DHRSX: variants seen among roughly 807,000 people sequenced by gnomAD.
DHRSX encodes the protein polyprenol dehydrogenase.
Under a neutral mutation model 34.0 loss-of-function variants are expected in DHRSX, and 31 were observed. The observed-to-expected ratio is 0.91, with a 90% CI of 0.69 to 1.23. DHRSX has a LOEUF of 1.23. DHRSX is among the 50% of genes most tolerant of loss of function. The pLI is 0.00. For missense variants in DHRSX, 414 were observed against 428.1 expected (o/e 0.97, Z 0.29); for synonymous variants, 201 against 183.8 (o/e 1.09, Z -0.76).
At position 2,321,194 on chromosome X, in the gene DHRSX, C is replaced by A. The variant is rs184938792; in HGVS notation, c.287-29591G>T. Among the ~76,000 whole-genome samples the A allele has an allele frequency of 6.5e-3, 990 of 152,222 alleles. 11 individuals carry two copies. The highest frequency in any genetic ancestry group is 0.014 in the Middle Eastern group (4 of 294). ...AAATAAATGTTTGCACTGATTACAGCACTGCTGCCAAAGAGCTTGATGGGC... is the reference window on the plus strand; with the variant it reads ...AAATAAATGTTTGCACTGATTACAGAACTGCTGCCAAAGAGCTTGATGGGC... On this transcript the variant is annotated intron_variant, in intron 3 of 6. Transcript: ENST00000334651.
intron 1 of DHRSX, among the ~76,000 whole-genome samples, chrX:2,477,516 C>G (rs1305724844): frequency 1.3e-5 from 2 of 152,100 alleles, no homozygotes; most frequent in African/African-American, 2.4e-5. Flanking sequence ...CAGGTGGAAA[C>G]AGTTTATCTG....
intron 2 of DHRSX, among the ~76,000 whole-genome samples, chrX:2,411,347 A>G (rs1362498079): frequency 2.6e-5 from 4 of 151,998 alleles, no homozygotes; most frequent in South Asian, 2.1e-4. Flanking sequence ...TCAGGAGTTC[A>G]AGACCAGCCT....
At chrX:2,485,622 A>AGGAG (rs1328660408) in intron 1 of DHRSX, among the ~76,000 whole-genome samples, 1 of 95,466 alleles carries the variant, frequency 1.0e-5, no homozygotes, top group Non-Finnish European at 2.1e-5. Flanking sequence ...GAGGGAAGGA[A>AGGAG]GGAGGGAGGG....
rs182568086 is a variant in DHRSX, at chrX:2,462,034, C to T, written c.110-36730G>A. On this transcript the variant is annotated intron_variant, in intron 1 of 6. Coordinates refer to ENST00000334651, the MANE Select transcript of DHRSX (RefSeq NM_145177.3). ...CAATTCTGAGAAGACACAAATGCCA[C>T]TCTGCTCTTTTGTGATAATATTAAC... is the stretch of plus-strand genomic sequence containing the variant. 4.3e-4 allele frequency among the ~76,000 whole-genome samples: 65 copies of T among 152,238 alleles called. 1 individual carries two copies. Among genetic ancestry groups the T allele is most frequent in the East Asian group, 3.9e-3 (20 of 5,178 alleles).
chrX:2,334,574 C>G (rs776919279), intron 3 of DHRSX: 1 of 152,238 alleles, frequency 6.6e-6, no homozygotes, highest in African/African-American at 2.4e-5. Flanking sequence ...CCGCCTCAAC[C>G]TCCCCAGTAG....
At chrX:2,468,909 C>T (rs1352757459) in intron 1 of DHRSX, among the ~76,000 whole-genome samples, 1 of 148,218 alleles carries the variant, frequency 6.7e-6, no homozygotes, top group Non-Finnish European at 1.5e-5. Flanking sequence ...GCCAAGTGAC[C>T]GCTGCCGTTG....
chrX:2,250,899 C>T (rs1258400716), intron 5 of DHRSX, among the ~76,000 whole-genome samples: 1 of 151,896 alleles, frequency 6.6e-6, no homozygotes, highest in African/African-American at 2.4e-5. Context: ...ATCTTAGCAA[C>T]TGAGCAATTT....
At chrX:2,307,798 TA>T (rs1733436730) in intron 3 of DHRSX, among the ~76,000 whole-genome samples, 3 of 138,522 alleles carry the variant, frequency 2.2e-5, no homozygotes, top group African/African-American at 5.5e-5. Context: ...ATAAAAAAAA[TA>T]AAATAAAAAA....
At position 2,389,186 on chromosome X, in the gene DHRSX, G is replaced by A. The variant is rs1354039391; in HGVS notation, c.286+19559C>T. 2.0e-5 allele frequency among the ~76,000 whole-genome samples: 3 copies of A among 152,058 alleles called. No individual in the cohort carries two copies. The East Asian group carries it at 5.8e-4, about 29-fold the overall frequency. ...GAATCAGCTCTAACCGTCTGTTACC[G>A]GGACATAGGGTAACCAGCCAGGAAG... On this transcript the variant is annotated intron_variant, in intron 3 of 6. Transcript: ENST00000334651.
chrX:2,245,561 C>T (rs186538277), intron 5 of DHRSX, among the ~76,000 whole-genome samples: 3,072 of 151,038 alleles, frequency 0.02, 96 homozygotes, highest in African/African-American at 0.069. Context: ...CCGCCTGCCT[C>T]GGCCTCCCAA....
At chrX:2,349,497 C>G (rs1406885399) in intron 3 of DHRSX, among the ~76,000 whole-genome samples, 1 of 151,558 alleles carries the variant, frequency 6.6e-6, no homozygotes. Context: ...ACCAGCCCAG[C>G]CAACATGGTG....
intron 3 of DHRSX, among the ~76,000 whole-genome samples, chrX:2,360,553 A>G (rs1249393559): frequency 6.6e-6 from 1 of 151,744 alleles, no homozygotes; most frequent in East Asian, 1.9e-4. Context: ...ACTGCACTCC[A>G]GCCTGGGCAA....
intron 3 of DHRSX, among the ~76,000 whole-genome samples, chrX:2,340,328 T>C (rs1282880715): frequency 6.6e-6 from 1 of 151,960 alleles, no homozygotes; most frequent in Admixed American, 6.6e-5. Context: ...ACCCCAGAAC[T>C]TAAAGTATAA....
chrX:2,237,496 A>G (rs1378127290), intron 6 of DHRSX, among the ~76,000 whole-genome samples: 1 of 151,834 alleles, frequency 6.6e-6, no homozygotes, highest in Non-Finnish European at 1.5e-5. Context: ...CAGCATTTAC[A>G]ATAGCTTTCT....
chrX:2,408,735 C>T lies in DHRSX; in HGVS notation c.286+10G>A, dbSNP rs758733305. On this transcript the variant is annotated intron_variant, in intron 3 of 6. Transcript: ENST00000334651. The stretch of plus-strand genomic sequence containing the variant: ...AAACAAAAAAAAGCCATTGGAGTAT[C>T]TCTCGGTACCTTTGTCGTTCAAGGT... The T allele has an allele frequency of 6.2e-7, 1 of 1,603,678 alleles. No individual in the cohort carries two copies. The highest frequency in any genetic ancestry group is 8.5e-7 in the Non-Finnish European group (1 of 1,176,712).
chrX:2,490,095 C>A lies in DHRSX; in HGVS notation c.109+10722G>T, dbSNP rs760828953. The A allele has an allele frequency of 7.4e-6, 12 of 1,613,678 alleles. No individual in the cohort carries two copies. In the Admixed American group the frequency reaches 1.2e-4, roughly 16 times the overall value. On this transcript the variant is annotated intron_variant, in intron 1 of 6. Transcript: ENST00000334651. Reference sequence around the variant, plus strand: ...AAGTGGGCGGCCAGCGTGACGTAGGCGCGGTTCTGATTCTCACTCCTCCAC... The same window carrying A: ...AAGTGGGCGGCCAGCGTGACGTAGGAGCGGTTCTGATTCTCACTCCTCCAC...
chrX:2,238,250 GGGAGGT>G (rs1352834575), intron 6 of DHRSX, among the ~76,000 whole-genome samples: 3 of 152,186 alleles, frequency 2.0e-5, no homozygotes, highest in Middle Eastern at 3.4e-3. Context: ...CCAGCTACTC[GGGAGGT>G]GGAGGTGGGG....
At chrX:2,295,726 A>C (rs190855371) in intron 3 of DHRSX, among the ~76,000 whole-genome samples, 1 of 152,302 alleles carries the variant, frequency 6.6e-6, no homozygotes, top group East Asian at 1.9e-4. Flanking sequence ...ATGTGTAACT[A>C]ATACACAAAA....
chrX:2,244,536 T>G (rs2016232369), intron 5 of DHRSX, among the ~76,000 whole-genome samples: 1 of 152,136 alleles, frequency 6.6e-6, no homozygotes, highest in Admixed American at 6.6e-5. Context: ...GCCTCATAGT[T>G]CTTTTCAATA....
Sources: gnomAD v4.1 joint callset for allele counts (sites outside exome capture counted in the v4.1 genomes callset) on GRCh38, gnomAD v4.1.1 for gene constraint, MANE v1.5 for transcripts, NCBI Gene and HGNC (gene_info 2026-07-23, HGNC 2026-07-21) for gene names.